The following FOXN2 variants were observed in gnomAD, a reference collection of about 807,000 sequenced individuals.
FOXN2 encodes forkhead box N2, also known as forkhead box protein N2.
Under a neutral mutation model 41.2 loss-of-function variants are expected in FOXN2, and 19 were observed. The ratio of observed to expected loss-of-function variants is 0.46; its 90% CI spans 0.32 to 0.68. The LOEUF (loss-of-function observed/expected upper bound fraction) is 0.68, where lower values mean the gene tolerates loss of function less well. Among genes scored for constraint, FOXN2 ranks in the 30% least tolerant of loss-of-function variants. The probability of loss-of-function intolerance (pLI) is 0.03; values close to 1 mark genes in which losing one functional copy is unlikely to be tolerated. For missense variants in FOXN2, 587 were observed against 509.4 expected, an observed-to-expected ratio of 1.15 and a Z score of -1.47; for synonymous variants, 195 against 176.8, an observed-to-expected ratio of 1.10 and a Z score of -0.82.
At chr2:48,330,853 T>G (rs1334112077) in intron 2 of FOXN2, among the ~76,000 whole-genome samples, 1 of 152,054 alleles carries the variant, frequency 6.6e-6, no homozygotes, top group Non-Finnish European at 1.5e-5. Flanking sequence ...GAAGCTGGAG[T>G]AGTAGGGTCA....
intron 2 of FOXN2, among the ~76,000 whole-genome samples, chr2:48,335,844 G>A (rs569746027): frequency 4.0e-5 from 6 of 150,640 alleles, no homozygotes; most frequent in South Asian, 4.2e-4. Context: ...TGGTGAACAC[G>A]GCGAAACCCC....
At chr2:48,349,426 C>T (rs912450103) in intron 3 of FOXN2, among the ~76,000 whole-genome samples, 2 of 151,946 alleles carry the variant, frequency 1.3e-5, no homozygotes, top group African/African-American at 4.8e-5. Context: ...TGCAGTGGGC[C>T]GAGATTGTGC....
intron 3 of FOXN2, among the ~76,000 whole-genome samples, chr2:48,354,376 C>A (rs187945123): frequency 6.6e-6 from 1 of 152,186 alleles, no homozygotes; most frequent in South Asian, 2.1e-4. Flanking sequence ...CTGAGGTGGG[C>A]GGATCACGAG....
At chr2:48,327,263 A>G (rs971177616) in intron 1 of FOXN2, among the ~76,000 whole-genome samples, 2 of 152,132 alleles carry the variant, frequency 1.3e-5, no homozygotes, top group Admixed American at 6.5e-5. Flanking sequence ...TCCAGTATTT[A>G]TAGTAGCAAA....
intron 2 of FOXN2, among the ~76,000 whole-genome samples, chr2:48,345,442 C>G (rs1671037341): frequency 2.0e-5 from 3 of 152,046 alleles, no homozygotes; most frequent in Admixed American, 2.0e-4. Flanking sequence ...AGCATGATGA[C>G]TGTAGTTAAT....
chr2:48,322,271 C>T (rs1558609793), intron 1 of FOXN2, among the ~76,000 whole-genome samples: 1 of 152,048 alleles, frequency 6.6e-6, no homozygotes, highest in Non-Finnish European at 1.5e-5. Context: ...AAATTAATAG[C>T]AGCAGTTTAT....
chr2:48,347,884 A>T (rs1467950597), intron 3 of FOXN2, among the ~76,000 whole-genome samples: 1 of 151,890 alleles, frequency 6.6e-6, no homozygotes, highest in African/African-American at 2.4e-5. Context: ...AAGATGATTT[A>T]TTGTCTTCTG....
At chr2:48,320,259 CAT>C (rs1226629644) in intron 1 of FOXN2, among the ~76,000 whole-genome samples, 1 of 151,806 alleles carries the variant, frequency 6.6e-6, no homozygotes, top group Non-Finnish European at 1.5e-5. Context: ...TATGTATTGG[CAT>C]AGTTATACTA....
intron 3 of FOXN2, among the ~76,000 whole-genome samples, chr2:48,348,710 T>A (rs1671267186): frequency 6.6e-6 from 1 of 152,232 alleles, no homozygotes; most frequent in Non-Finnish European, 1.5e-5. Context: ...GTAATTACCA[T>A]CAGTACACCA....
intron 2 of FOXN2, among the ~76,000 whole-genome samples, chr2:48,335,846 C>T (rs1330280462): frequency 6.7e-6 from 1 of 149,894 alleles, no homozygotes; most frequent in Non-Finnish European, 1.5e-5. Flanking sequence ...GTGAACACGG[C>T]GAAACCCCAT....
At chr2:48,314,593 G>A (rs954884456), upstream of FOXN2, 1 of 152,188 alleles carries the variant, frequency 6.6e-6, no homozygotes, top group African/African-American at 2.4e-5. Context: ...GGGGCTAATC[G>A]CCTTGGCGCC....
intron 3 of FOXN2, among the ~76,000 whole-genome samples, chr2:48,348,723 C>G (rs1391087865): frequency 6.6e-6 from 1 of 152,252 alleles, no homozygotes; most frequent in Non-Finnish European, 1.5e-5. Flanking sequence ...GTACACCACA[C>G]TCTTCAGACT....
At chr2:48,353,597 TGTG>T (rs1671597530) in intron 3 of FOXN2, among the ~76,000 whole-genome samples, 1 of 118,896 alleles carries the variant, frequency 8.4e-6, no homozygotes, top group Admixed American at 7.7e-5. Flanking sequence ...TGTGTGTGTG[TGTG>T]TGTGTGAAAG....
intron 3 of FOXN2, among the ~76,000 whole-genome samples, chr2:48,351,500 G>C (rs566124723): frequency 6.6e-6 from 1 of 152,182 alleles, no homozygotes; most frequent in Non-Finnish European, 1.5e-5. Flanking sequence ...AACTTTTGAC[G>C]CTAGGGACTG....
chr2:48,355,874 T>A (rs906756447), intron 3 of FOXN2, among the ~76,000 whole-genome samples: 3 of 152,222 alleles, frequency 2.0e-5, no homozygotes, highest in Non-Finnish European at 4.4e-5. Context: ...CCTGGTTTGG[T>A]ATTTATTTGT....
chr2:48,345,810 A>G (rs1453979259), intron 2 of FOXN2, among the ~76,000 whole-genome samples: 2 of 152,176 alleles, frequency 1.3e-5, no homozygotes, highest in Non-Finnish European at 2.9e-5. Context: ...ATATAGTAAA[A>G]TCATAGATTC....
intron 1 of FOXN2, among the ~76,000 whole-genome samples, chr2:48,318,755 G>A (rs1223212109): frequency 6.6e-6 from 1 of 152,186 alleles, no homozygotes; most frequent in Non-Finnish European, 1.5e-5. Flanking sequence ...GTGAGCCAGA[G>A]AGACATTTGT....
chr2:48,359,009 A>T (rs754412557), intron 3 of FOXN2, 38 bp from the exon 4 acceptor site: 1 of 1,485,194 alleles, frequency 6.7e-7, no homozygotes. Flanking sequence ...CTGTTTATGT[A>T]TAAAAGTTCC....
At chr2:48,333,694 A>G (rs1230161502) in intron 2 of FOXN2, among the ~76,000 whole-genome samples, 4 of 152,186 alleles carry the variant, frequency 2.6e-5, no homozygotes, top group Admixed American at 1.3e-4. Flanking sequence ...GTCCATTTCC[A>G]TGATTTAGAA....
Sources: gnomAD v4.1 joint callset for allele counts (sites outside exome capture counted in the v4.1 genomes callset) on GRCh38, gnomAD v4.1.1 for gene constraint, MANE v1.5 for transcripts, NCBI Gene and HGNC (gene_info 2026-07-23, HGNC 2026-07-21) for gene names.